The following PXDNL variants were observed in gnomAD, a reference collection of about 807,000 sequenced individuals.
PXDNL encodes peroxidasin like, also known as probable oxidoreductase PXDNL.
Under a neutral mutation model 150.8 loss-of-function variants are expected in PXDNL, and 145 were observed. The ratio of observed to expected loss-of-function variants is 0.96; its 90% CI spans 0.84 to 1.10. The LOEUF is 1.10. PXDNL is among the 50% of genes least tolerant of loss of function. PXDNL has a pLI of 0.00. For missense variants in PXDNL, 2,087 were observed against 1,873.9 expected (o/e 1.11, Z -2.10); for synonymous variants, 757 against 725.7 (o/e 1.04, Z -0.69).
chr8:51,394,055 G>C (rs1394031299), intron 17 of PXDNL, among the ~76,000 whole-genome samples: 1 of 152,264 alleles, frequency 6.6e-6, no homozygotes, highest in African/African-American at 2.4e-5. Flanking sequence ...TGACAACTCC[G>C]TGTCCTTGGG....
At chr8:51,747,355 A>T (rs186011217) in intron 1 of PXDNL, among the ~76,000 whole-genome samples, 26 of 152,298 alleles carry the variant, frequency 1.7e-4, no homozygotes, top group Non-Finnish European at 5.9e-5. Context: ...TGCCACCACC[A>T]TCAGGTGAAC....
At chr8:51,529,669 C>G (rs768780331) in intron 4 of PXDNL, among the ~76,000 whole-genome samples, 48 of 152,140 alleles carry the variant, frequency 3.2e-4, no homozygotes, top group Non-Finnish European at 4.4e-5. Flanking sequence ...AAATATTGAT[C>G]TCCCAAGAAG....
In PXDNL at chr8:51,641,564, T is replaced by G. The variant is rs546419269; in HGVS notation, c.236+13125A>C. On this transcript the variant is annotated intron_variant, in intron 2 of 22. Coordinates refer to ENST00000356297, the MANE Select transcript of PXDNL (RefSeq NM_144651.5). Reference sequence around the variant, plus strand: ...GGCGAAGGACATGAACAGACACTTCTCAAAAGAAGACATTTATGCAGCCAA... The same window carrying G: ...GGCGAAGGACATGAACAGACACTTCGCAAAAGAAGACATTTATGCAGCCAA... Among the ~76,000 whole-genome samples the G allele has an allele frequency of 9.3e-4, 142 of 152,062 alleles. 1 individual carries two copies. The highest frequency in any genetic ancestry group is 3.3e-3 in the African/African-American group (135 of 41,470).
At chr8:51,547,532 T>C (rs1812388401) in intron 4 of PXDNL, among the ~76,000 whole-genome samples, 1 of 152,068 alleles carries the variant, frequency 6.6e-6, no homozygotes, top group African/African-American at 2.4e-5. Context: ...TTGCAGACAT[T>C]CTCCAGCACC....
At chr8:51,631,793 T>G (rs754149706) in intron 2 of PXDNL, among the ~76,000 whole-genome samples, 8 of 152,092 alleles carry the variant, frequency 5.3e-5, no homozygotes, top group Non-Finnish European at 5.9e-5. Flanking sequence ...AGGTACAGAT[T>G]GTATAGGGCA....
At chr8:51,712,929 A>T (rs1027636525) in intron 1 of PXDNL, among the ~76,000 whole-genome samples, 4 of 152,196 alleles carry the variant, frequency 2.6e-5, no homozygotes, top group Non-Finnish European at 4.4e-5. Context: ...ACTTCTCATT[A>T]TGCAACAATA....
At chr8:51,689,028 A>T (rs1468506472) in intron 1 of PXDNL, among the ~76,000 whole-genome samples, 1 of 152,166 alleles carries the variant, frequency 6.6e-6, no homozygotes, top group Non-Finnish European at 1.5e-5. Context: ...AGGAATCGGG[A>T]ATCGGCCTTT....
intron 19 of PXDNL, among the ~76,000 whole-genome samples, chr8:51,361,301 T>C (rs1275028838): frequency 6.6e-6 from 1 of 152,148 alleles, no homozygotes; most frequent in Admixed American, 6.5e-5. Flanking sequence ...AGACAGAAAC[T>C]GATAATAAAT....
In PXDNL at chr8:51,456,905, A is replaced by T. The variant is rs114619817; in HGVS notation, c.982+593T>A. 6.4e-3 allele frequency among the ~76,000 whole-genome samples: 972 copies of T among 152,326 alleles called. 9 individuals are homozygous for T. Among genetic ancestry groups the T allele is most frequent in the African/African-American group, 0.022 (918 of 41,562 alleles). ...GCTTCTCTCCCTCTCCTTACACATC[A>T]TAAAACTTATTTCTTGAATTATGGC... is the stretch of plus-strand genomic sequence containing the variant. On this transcript the variant is annotated intron_variant, in intron 9 of 22. Transcript: ENST00000356297.
intron 2 of PXDNL, among the ~76,000 whole-genome samples, chr8:51,596,242 T>C (rs773116749): frequency 9.2e-5 from 14 of 152,240 alleles, no homozygotes; most frequent in Admixed American, 1.3e-4. Flanking sequence ...ATTCTTCTTA[T>C]GGCTGCATAG....
At chr8:51,377,873 G>A (rs1030497332) in intron 17 of PXDNL, among the ~76,000 whole-genome samples, 5 of 152,224 alleles carry the variant, frequency 3.3e-5, no homozygotes, top group African/African-American at 1.2e-4. Flanking sequence ...ACAGCACCAG[G>A]TCCCATCAAC....
Position 51,809,293 on chromosome 8 carries a change from A to G in PXDNL, c.52T>C (p.Cys18Arg). 1 of 1,586,870 alleles carries G rather than the reference A, an allele frequency of 6.3e-7. No individual in the cohort carries two copies. Among genetic ancestry groups the G allele is most frequent in the Non-Finnish European group, 8.6e-7 (1 of 1,166,464 alleles). Residue 18 changes from cysteine to arginine, a missense_variant, in exon 1 of 23, where the codon TGC becomes CGC. Coordinates refer to ENST00000356297, the MANE Select transcript of PXDNL (RefSeq NM_144651.5). Reference sequence around the variant, plus strand: ...CTGGGGCAGGGCAACCCTGGCAGGCACCACCCGGCCAGGAGAAAGAGAGTG... The same window carrying G: ...CTGGGGCAGGGCAACCCTGGCAGGCGCCACCCGGCCAGGAGAAAGAGAGTG... Reference protein sequence around the residue: ...WTTLFLLAGWCLPGLPCPSRC... With the variant: ...WTTLFLLAGWRLPGLPCPSRC...
chr8:51,566,756 T>A (rs958894258), intron 3 of PXDNL, among the ~76,000 whole-genome samples: 1 of 151,514 alleles, frequency 6.6e-6, no homozygotes, highest in African/African-American at 2.4e-5. Context: ...TTTGTCAAAT[T>A]TCTGTATTGT....
chr8:51,413,908 C>A (rs936073012), intron 14 of PXDNL, among the ~76,000 whole-genome samples: 2 of 151,970 alleles, frequency 1.3e-5, no homozygotes, highest in African/African-American at 4.8e-5. Flanking sequence ...ATTTACAGTT[C>A]ATATCAGAGA....
In PXDNL at chr8:51,372,050, G is replaced by T; in HGVS notation, c.3724C>A (p.Pro1242Thr). ...FWYENPGVFT[P>T]AQLTQLKQAS... ...TGCTTCAGCTGAGTGAGTTGTGCCG[G>T]GGTAAATACTCCAGGGTTTTCATAC... The change falls in exon 19 of 23, where the codon CCG (proline) becomes ACG (threonine). Residue 1242 changes from proline to threonine, a missense_variant. Coordinates refer to ENST00000356297, the MANE Select transcript of PXDNL (RefSeq NM_144651.5). 1.2e-6 allele frequency: 2 copies of T among 1,603,080 alleles called. No homozygotes were observed.
chr8:51,614,743 T>C (rs888220909), intron 2 of PXDNL, among the ~76,000 whole-genome samples: 2 of 152,180 alleles, frequency 1.3e-5, no homozygotes, highest in Admixed American at 1.3e-4. Context: ...CATCTGCCTG[T>C]ATCTGACATA....
At chr8:51,539,155 G>A (rs1812156046) in intron 4 of PXDNL, among the ~76,000 whole-genome samples, 1 of 152,054 alleles carries the variant, frequency 6.6e-6, no homozygotes. Flanking sequence ...TTCTTAATTT[G>A]ATAGAGGTTT....
chr8:51,646,089 C>T (rs1814912871), intron 2 of PXDNL, among the ~76,000 whole-genome samples: 1 of 152,074 alleles, frequency 6.6e-6, no homozygotes, highest in Admixed American at 6.6e-5. Flanking sequence ...ATGTTGATGC[C>T]CTAACCCCTC....
chr8:51,697,160 C>T (rs796364772), intron 1 of PXDNL, among the ~76,000 whole-genome samples: 61 of 151,992 alleles, frequency 4.0e-4, no homozygotes, highest in African/African-American at 1.4e-3. Context: ...AAAACTTAGC[C>T]GAGCGTGGTG....
Sources: allele counts gnomAD v4.1 joint callset (sites outside exome capture counted in the v4.1 genomes callset), GRCh38; gene constraint gnomAD v4.1.1; transcripts MANE v1.5; gene names NCBI Gene and HGNC (gene_info 2026-07-23, HGNC 2026-07-21).